The following SLC15A1 variants were observed in gnomAD, a reference collection of about 807,000 sequenced individuals.
The protein encoded by SLC15A1 is solute carrier family 15 member 1.
In SLC15A1, 83 loss-of-function variants were observed where a neutral mutation model predicts 92.9. The ratio of observed to expected loss-of-function variants is 0.89; its 90% CI spans 0.75 to 1.07. The LOEUF (loss-of-function observed/expected upper bound fraction) is 1.07, where lower values mean the gene tolerates loss of function less well. Ranked by LOEUF, SLC15A1 falls within the 50% of genes least tolerant of loss-of-function variation. The pLI, the probability that SLC15A1 is intolerant of heterozygous loss-of-function variation, is 0.00. For missense variants in SLC15A1, 857 were observed against 880.1 expected, an observed-to-expected ratio of 0.97 and a Z score of 0.33; for synonymous variants, 322 against 318.2, an observed-to-expected ratio of 1.01 and a Z score of -0.13.
At chr13:98,694,738 A>T (rs551467875) in intron 18 of SLC15A1, among the ~76,000 whole-genome samples, 1 of 152,306 alleles carries the variant, frequency 6.6e-6, no homozygotes, top group African/African-American at 2.4e-5. Context: ...TGGATAAAAG[A>T]TGCATTGGCT....
rs187802892 is a variant in SLC15A1 at position 98,709,371 on chromosome 13, C to T, written c.1067+201G>A. 2.0e-4 allele frequency among the ~76,000 whole-genome samples: 31 copies of T among 152,314 alleles called. No homozygotes were observed. In the East Asian group the frequency reaches 5.0e-3, roughly 25 times the overall value. On this transcript the variant is annotated intron_variant, in intron 14 of 22. Transcript: ENST00000376503. ...TAGAGAAGAAAGCCTTGATTAAAGG[C>T]CTTTTCAGGCTGTCAATCACAGCAT... is the stretch of plus-strand genomic sequence containing the variant.
At chr13:98,686,574 A>G (rs1190747301) in intron 21 of SLC15A1, among the ~76,000 whole-genome samples, 2 of 152,178 alleles carry the variant, frequency 1.3e-5, no homozygotes, top group Non-Finnish European at 2.9e-5. Context: ...TCCTATTTCT[A>G]CAGGAGAGCT....
chr13:98,733,886 T>G (rs569054569), intron 1 of SLC15A1, among the ~76,000 whole-genome samples: 2 of 152,314 alleles, frequency 1.3e-5, no homozygotes, highest in African/African-American at 4.8e-5. Flanking sequence ...GGGAGGTGAT[T>G]GAATCACAGG....
intron 7 of SLC15A1, 37 bp from the exon 8 acceptor site, chr13:98,719,357 T>C (rs777357617): frequency 4.2e-6 from 6 of 1,443,670 alleles, no homozygotes; most frequent in Non-Finnish European, 5.9e-6. Context: ...TGTTATGGCA[T>C]TGGTAATGAG....
At chr13:98,696,700 G>A (rs977421464) in intron 18 of SLC15A1, among the ~76,000 whole-genome samples, 1 of 152,138 alleles carries the variant, frequency 6.6e-6, no homozygotes, top group Non-Finnish European at 1.5e-5. Context: ...ACGTGTGGGG[G>A]ACAGGAATGA....
Position 98,726,627 on chromosome 13 carries a change from A to T in SLC15A1, c.22-178T>A, listed in dbSNP as rs1594000937. On this transcript the variant is annotated intron_variant, in intron 2 of 22. Coordinates refer to ENST00000376503, the MANE Select transcript of SLC15A1 (RefSeq NM_005073.4). ...TCCCTACACTAATCCTTCCACATAG[A>T]GACAGCAATGAAATAAAGCATCCAG... 1.1e-5 allele frequency: 8 copies of T among 751,776 alleles called. No homozygotes were observed. In the East Asian group the frequency reaches 2.1e-4, roughly 20 times the overall value. 46.6% of individuals were successfully genotyped at this position (751,776 alleles called of 1,614,324 possible). A position where few individuals can be genotyped will look rare whatever the true frequency, so the allele number is the denominator to read the frequency against.
rs755032270 is a variant in SLC15A1, at chr13:98,723,919, C to A, written c.358G>T (p.Val120Leu). Residue 120 changes from valine to leucine, a missense_variant, in exon 5 of 23, where the codon GTG (valine) becomes TTG (leucine). Val to Leu is a conservative substitution (Grantham distance 32, BLOSUM62 1). Coordinates refer to ENST00000376503, the MANE Select transcript of SLC15A1 (RefSeq NM_005073.4). ...NHDGTPDSLPVHVVLSLIGLA... is the reference protein window; with the variant it reads ...NHDGTPDSLPLHVVLSLIGLA... The stretch of plus-strand genomic sequence containing the variant: ...CAGTGAGCACCAACTCACACGTGCA[C>A]AGGAAGGCTGTCGGGGGTGCCATCA... 1.1e-5 allele frequency: 18 copies of A among 1,613,988 alleles called. No individual in the cohort carries two copies. The highest frequency in any genetic ancestry group is 1.5e-5 in the Non-Finnish European group (18 of 1,179,994).
rs1393227815 is a variant in SLC15A1 at position 98,697,574 on chromosome 13, G to C, written c.1466+4906C>G. On this transcript the variant is annotated intron_variant, in intron 18 of 22. Coordinates refer to ENST00000376503, the MANE Select transcript of SLC15A1 (RefSeq NM_005073.4). ...AAGAGAAAGAAGACACTGAAAGCTT[G>C]ATGAGCAGAAATGGAAATCAACCAC... Among the ~76,000 whole-genome samples, 4 of 147,768 alleles carry C rather than the reference G, an allele frequency of 2.7e-5. No homozygotes were observed. The East Asian group carries it at 8.0e-4, about 29-fold the overall frequency.
chr13:98,691,939 G>A (rs1447802415), intron 18 of SLC15A1, among the ~76,000 whole-genome samples: 2 of 151,908 alleles, frequency 1.3e-5, no homozygotes, highest in Non-Finnish European at 2.9e-5. Flanking sequence ...TGGACATGGT[G>A]GTGCATGCCT....
intron 2 of SLC15A1, 176 bp from the exon 3 acceptor site, chr13:98,726,625 A>G (rs776212330): frequency 5.3e-6 from 4 of 750,988 alleles, no homozygotes; most frequent in Non-Finnish European, 9.4e-6. Context: ...CCTTCCACAT[A>G]GAGACAGCAA....
Position 98,723,892 on chromosome 13 carries a change from A to T in SLC15A1, c.365+20T>A. 4 of 1,613,964 alleles carry T rather than the reference A, an allele frequency of 2.5e-6. No homozygotes were observed. Among genetic ancestry groups the T allele is most frequent in the Non-Finnish European group, 3.4e-6 (4 of 1,179,906 alleles). On this transcript the variant is annotated intron_variant, in intron 5 of 22. Coordinates refer to ENST00000376503, the MANE Select transcript of SLC15A1 (RefSeq NM_005073.4). ...CACAAGGTGGGAGGGTGATGGGGGC[A>T]GCAGTGAGCACCAACTCACACGTGC...
At chr13:98,691,353 T>C (rs781575722) in intron 18 of SLC15A1, among the ~76,000 whole-genome samples, 3 of 152,268 alleles carry the variant, frequency 2.0e-5, no homozygotes, top group Non-Finnish European at 4.4e-5. Flanking sequence ...CATTCTTTTT[T>C]ATGACTAACA....
chr13:98,743,900 G>A (rs189801664), intron 1 of SLC15A1, among the ~76,000 whole-genome samples: 72 of 152,196 alleles, frequency 4.7e-4, no homozygotes, highest in African/African-American at 1.7e-3. Flanking sequence ...AGAACACAAA[G>A]GGAAGCAGAT....
chr13:98,694,699 A>T (rs1239090990), intron 18 of SLC15A1, among the ~76,000 whole-genome samples: 1 of 152,230 alleles, frequency 6.6e-6, no homozygotes, highest in Non-Finnish European at 1.5e-5. Flanking sequence ...ATATCCATGT[A>T]ATAGAATACT....
At chr13:98,719,522 C>T (rs2088237550) in intron 7 of SLC15A1, among the ~76,000 whole-genome samples, 1 of 152,210 alleles carries the variant, frequency 6.6e-6, no homozygotes, top group African/African-American at 2.4e-5. Context: ...CAGTTCTAAT[C>T]TCAGCCCCTA....
chr13:98,722,005 A>T (rs1318253003), intron 5 of SLC15A1, 102 bp from the exon 6 acceptor site: 2 of 877,722 alleles, frequency 2.3e-6, no homozygotes, highest in Middle Eastern at 2.3e-4. Flanking sequence ...AGTGACACAC[A>T]TAGAGAAGAA....
chr13:98,740,945 A>G (rs770540078), intron 1 of SLC15A1, among the ~76,000 whole-genome samples: 23 of 152,244 alleles, frequency 1.5e-4, no homozygotes, highest in Non-Finnish European at 2.8e-4. Context: ...TTCAGCGCCT[A>G]TAACCCAAAG....
At chr13:98,694,965 G>A (rs574246660) in intron 18 of SLC15A1, among the ~76,000 whole-genome samples, 5 of 139,278 alleles carry the variant, frequency 3.6e-5, no homozygotes, top group South Asian at 2.3e-4. Context: ...GAGGTGCAGC[G>A]AGCCAAGATC....
At chr13:98,742,356 T>C (rs1248811553) in intron 1 of SLC15A1, among the ~76,000 whole-genome samples, 3 of 152,200 alleles carry the variant, frequency 2.0e-5, no homozygotes, top group Non-Finnish European at 4.4e-5. Context: ...TGCCTGTACC[T>C]CTTCCATGCA....
Sources: allele counts gnomAD v4.1 joint callset (sites outside exome capture counted in the v4.1 genomes callset), GRCh38; gene constraint gnomAD v4.1.1; transcripts MANE v1.5; gene names NCBI Gene and HGNC (gene_info 2026-07-23, HGNC 2026-07-21).